The following MPV17L variants were observed in gnomAD, a reference collection of about 807,000 sequenced individuals.
MPV17L encodes the protein MPV17 mitochondrial inner membrane protein like.
Under a neutral mutation model 25.8 loss-of-function variants are expected in MPV17L, and 24 were observed. The observed-to-expected ratio is 0.93, with a 90% CI of 0.67 to 1.31. MPV17L has a LOEUF of 1.31. Ranked by LOEUF, MPV17L falls within the 50% of genes most tolerant of loss-of-function variation. The probability of loss-of-function intolerance (pLI) is 0.00; values close to 1 mark genes in which losing one functional copy is unlikely to be tolerated. For synonymous variants in MPV17L, 102 were observed against 115.3 expected, an observed-to-expected ratio of 0.88 and a Z score of 0.74; for missense variants, 250 against 265.6, an observed-to-expected ratio of 0.94 and a Z score of 0.41.
At chr16:15,404,619 G>A (rs1405357799) in intron 2 of MPV17L, among the ~76,000 whole-genome samples, 2 of 151,992 alleles carry the variant, frequency 1.3e-5, no homozygotes, top group East Asian at 3.9e-4. Context: ...TCAGGAGTTC[G>A]AGACCAGCCT....
Position 15,407,812 on chromosome 16 carries a change from T to TC in MPV17L, c.382-9dup, listed in dbSNP as rs752247621. 5.2e-5 allele frequency: 83 copies of TC among 1,588,986 alleles called. No homozygotes were observed. In the African/African-American group the frequency reaches 8.4e-4, roughly 16 times the overall value. ...TAATAAAGTTGTTGCTTTTTTTTTT[T>TC]CCCAATTCCAGAGTGGACTGATGTA... On this transcript the variant is annotated splice_polypyrimidine_tract_variant and intron_variant, in intron 2 of 3. Coordinates refer to ENST00000396385, the MANE Select transcript of MPV17L (RefSeq NM_001128423.2).
chr16:15,396,879 A>G (rs1020386493), intron 1 of MPV17L, among the ~76,000 whole-genome samples: 2 of 152,104 alleles, frequency 1.3e-5, no homozygotes, highest in African/African-American at 4.8e-5. Flanking sequence ...ATGGAGGACT[A>G]TATACCTGTG....
At position 15,395,896 on chromosome 16, in the gene MPV17L, A is replaced by G; in HGVS notation, c.-2A>G. ...CTGATCGCGGGCGCCCACAGCGCGGACATGGCGGGCTGGTGGCCGGCGTTG... is the reference window on the plus strand; with the variant it reads ...CTGATCGCGGGCGCCCACAGCGCGGGCATGGCGGGCTGGTGGCCGGCGTTG... On this transcript the variant is annotated 5_prime_UTR_variant, in exon 1 of 4. Transcript: ENST00000396385. 7.1e-7 allele frequency: 1 copy of G among 1,400,312 alleles called. No individual in the cohort carries two copies. The highest frequency in any genetic ancestry group is 9.2e-7 in the Non-Finnish European group (1 of 1,090,002). 86.7% of individuals were successfully genotyped at this position (1,400,312 alleles called of 1,614,324 possible).
intron 1 of MPV17L, among the ~76,000 whole-genome samples, 193 bp from the exon 2 acceptor site, chr16:15,400,594 C>T (rs2050625190): frequency 6.6e-6 from 1 of 152,106 alleles, no homozygotes; most frequent in African/African-American, 2.4e-5. Flanking sequence ...AAGCAATCTG[C>T]CTGCCTCGGC....
intron 2 of MPV17L, among the ~76,000 whole-genome samples, chr16:15,405,727 G>T (rs1031992632): frequency 1.2e-4 from 18 of 151,014 alleles, no homozygotes; most frequent in Admixed American, 1.1e-3. Flanking sequence ...GATTACAGGG[G>T]TATATTTTAT....
intron 1 of MPV17L, chr16:15,399,359 C>T: frequency 2.2e-6 from 1 of 453,576 alleles, no homozygotes; most frequent in Non-Finnish European, 4.4e-6. Flanking sequence ...TTACAACCTT[C>T]CTAAAATAGG....
intron 2 of MPV17L, among the ~76,000 whole-genome samples, chr16:15,403,840 G>T (rs569757709): frequency 6.6e-6 from 1 of 152,062 alleles, no homozygotes; most frequent in Non-Finnish European, 1.5e-5. Context: ...CAAACCAGTA[G>T]TCTGAAGCCC....
chr16:15,407,566 A>C (rs2050692101), intron 2 of MPV17L, among the ~76,000 whole-genome samples: 1 of 151,962 alleles, frequency 6.6e-6, no homozygotes, highest in Non-Finnish European at 1.5e-5. Context: ...ACATGGTGAA[A>C]ACCCGTCTCT....
Position 15,409,856 on chromosome 16 carries a change from T to C in MPV17L, c.*1744T>C, listed in dbSNP as rs1040234006. 4.6e-5 allele frequency: 7 copies of C among 152,352 alleles called. No homozygotes were observed. The highest frequency in any genetic ancestry group is 1.7e-4 in the African/African-American group (7 of 41,590). The allele number at this position is 152,352 out of a possible 1,614,324, so 9.4% of individuals were successfully genotyped here. ...TTATCAAAAACAGAGTAGTGTATGA[T>C]TGGCGTATTCTGTGTAGAATGTATT... On this transcript the variant is annotated 3_prime_UTR_variant, in exon 4 of 4. Transcript: ENST00000396385.
Position 15,410,347 on chromosome 16 carries a change from C to G in MPV17L, c.*2235C>G, listed in dbSNP as rs922792756. 4.6e-5 allele frequency: 7 copies of G among 151,976 alleles called. No individual in the cohort carries two copies. Among genetic ancestry groups the G allele is most frequent in the African/African-American group, 2.4e-5 (1 of 41,380 alleles). 9.4% of individuals were successfully genotyped at this position (151,976 alleles called of 1,614,324 possible). On this transcript the variant is annotated 3_prime_UTR_variant, in exon 4 of 4. Coordinates refer to ENST00000396385, the MANE Select transcript of MPV17L (RefSeq NM_001128423.2). ...CGGTTGGATCACAAGGTCAGGAGAT[C>G]GAGACCATCCTGGCTAACATGGTAA... is the stretch of plus-strand genomic sequence containing the variant.
At chr16:15,404,390 G>A (rs1433284486) in intron 2 of MPV17L, among the ~76,000 whole-genome samples, 1 of 152,094 alleles carries the variant, frequency 6.6e-6, no homozygotes, top group Non-Finnish European at 1.5e-5. Context: ...TCGTGACCAA[G>A]TTCACATAAG....
Position 15,396,121 on chromosome 16 carries a change from CG to C in MPV17L, c.227del (p.Gly76AlafsTer30). On this transcript the variant is annotated frameshift_variant, in exon 1 of 4. Transcript: ENST00000396385. LOFTEE classifies it high-confidence loss of function. ...CTGCGCCTGCTGGAGCGCGCGCTCC[CG>C]GGCCGAGCGCCGCACGCCCTGCTGG... ...VWLRLLERALPGRAPHALLAK... is the reference protein window; with the variant it reads ...VWLRLLERALXGRAPHALLAK... 1.3e-6 allele frequency: 2 copies of C among 1,546,224 alleles called. No homozygotes were observed. The highest frequency in any genetic ancestry group is 1.2e-5 in the South Asian group (1 of 83,962).
intron 2 of MPV17L, among the ~76,000 whole-genome samples, chr16:15,405,705 C>T (rs1161548322): frequency 2.0e-5 from 3 of 151,062 alleles, no homozygotes; most frequent in Non-Finnish European, 2.9e-5. Context: ...CCTTGGCCTC[C>T]CAAAGTGCAG....
Position 15,408,256 on chromosome 16 carries a change from C to T in MPV17L, c.*144C>T, listed in dbSNP as rs1484949216. 1 of 601,804 alleles carries T rather than the reference C, an allele frequency of 1.7e-6. No homozygotes were observed. Among genetic ancestry groups the T allele is most frequent in the Non-Finnish European group, 2.8e-6 (1 of 351,290 alleles). 37.3% of individuals were successfully genotyped at this position (601,804 alleles called of 1,614,324 possible). On this transcript the variant is annotated 3_prime_UTR_variant, in exon 4 of 4. Transcript: ENST00000396385. ...ATAGACCCACTTTTTAAAAAATTAT[C>T]AATGATTATTTTTGAATTGTATTCA...
intron 1 of MPV17L, among the ~76,000 whole-genome samples, chr16:15,396,557 C>T (rs1333350807): frequency 2.0e-5 from 3 of 152,084 alleles, no homozygotes; most frequent in Non-Finnish European, 2.9e-5. Context: ...GAGGTCTTTG[C>T]CCCCTGAAAA....
chr16:15,403,491 TAGTG>T (rs1467425749), intron 2 of MPV17L, among the ~76,000 whole-genome samples: 2 of 149,148 alleles, frequency 1.3e-5, no homozygotes, highest in Admixed American at 1.3e-4. Context: ...TGCGCAACCA[TAGTG>T]AGACCCCATC....
At chr16:15,405,137 C>G (rs748563707) in intron 2 of MPV17L, among the ~76,000 whole-genome samples, 2 of 151,988 alleles carry the variant, frequency 1.3e-5, no homozygotes, top group African/African-American at 4.8e-5. Flanking sequence ...TAGAATCAGC[C>G]AATTCTTTGA....
In MPV17L at chr16:15,411,815, T is replaced by C. The variant is rs1250474192; in HGVS notation, c.*3703T>C. ...TTAAAAATACAAAATTAACCGGACA[T>C]GGTAGTGCGTCCTGTAGTCTCAGCT... On this transcript the variant is annotated 3_prime_UTR_variant, in exon 4 of 4. Coordinates refer to ENST00000396385, the MANE Select transcript of MPV17L (RefSeq NM_001128423.2). 1 of 151,964 alleles carries C rather than the reference T, an allele frequency of 6.6e-6. No homozygotes were observed. Among genetic ancestry groups the C allele is most frequent in the Non-Finnish European group, 1.5e-5 (1 of 68,018 alleles). The allele number at this position is 151,964 out of a possible 1,614,324, so 9.4% of individuals were successfully genotyped here.
chr16:15,398,590 CTT>C (rs397742667), intron 1 of MPV17L, among the ~76,000 whole-genome samples: 7 of 137,060 alleles, frequency 5.1e-5, no homozygotes, highest in East Asian at 2.1e-4. Flanking sequence ...TTCTTTCTTT[CTT>C]TTTTTTTTTT....
Sources: gnomAD v4.1 joint callset for allele counts (sites outside exome capture counted in the v4.1 genomes callset) on GRCh38, gnomAD v4.1.1 for gene constraint, MANE v1.5 for transcripts, NCBI Gene and HGNC (gene_info 2026-07-23, HGNC 2026-07-21) for gene names.